The following MRPL18 variants were observed in gnomAD, a reference collection of about 807,000 sequenced individuals.
MRPL18 encodes large ribosomal subunit protein uL18m.
In MRPL18, 16 loss-of-function variants were observed where a neutral mutation model predicts 20.9. The observed-to-expected ratio is 0.76, with a 90% CI of 0.52 to 1.16. MRPL18 has a LOEUF of 1.16. Ranked by LOEUF, MRPL18 falls within the 50% of genes most tolerant of loss-of-function variation. The pLI is 0.00. For missense variants in MRPL18, 233 were observed against 230.6 expected, an observed-to-expected ratio of 1.01 and a Z score of -0.07; for synonymous variants, 91 against 87.1, an observed-to-expected ratio of 1.04 and a Z score of -0.25.
At chr6:159,790,312 G>A (rs1207260481), upstream of MRPL18, among the ~76,000 whole-genome samples, 1 of 152,164 alleles carries the variant, frequency 6.6e-6, no homozygotes, top group Non-Finnish European at 1.5e-5. Context: ...AGCAACAAGC[G>A]TGGTCTTGGG....
Position 159,790,931 on chromosome 6 carries a change from G to T in MRPL18, c.53-9G>T, listed in dbSNP as rs367629553. 2.5e-6 allele frequency: 4 copies of T among 1,613,614 alleles called. No homozygotes were observed. In the Admixed American group the frequency reaches 5.0e-5, roughly 20 times the overall value. ...TTTTAAGCCCTGTGCGGTTTTTCCCGTTGCCCAGGGTGCAGGTTCGCAGCC... is the reference window on the plus strand; with the variant it reads ...TTTTAAGCCCTGTGCGGTTTTTCCCTTTGCCCAGGGTGCAGGTTCGCAGCC... On this transcript the variant is annotated splice_polypyrimidine_tract_variant and intron_variant, in intron 1 of 3. Coordinates refer to ENST00000367034, the MANE Select transcript of MRPL18 (RefSeq NM_014161.5).
chr6:159,798,196 T>C lies in MRPL18; in HGVS notation c.*73T>C. ...ACTACAGCCATCAAAAGAGAGCATC[T>C]GGAAGAACAGCCAGCTTGGAAGTTT... On this transcript the variant is annotated 3_prime_UTR_variant, in exon 4 of 4. Coordinates refer to ENST00000367034, the MANE Select transcript of MRPL18 (RefSeq NM_014161.5). 7.9e-7 allele frequency: 1 copy of C among 1,270,910 alleles called. No individual in the cohort carries two copies. Among genetic ancestry groups the C allele is most frequent in the Non-Finnish European group, 1.1e-6 (1 of 891,270 alleles). 78.7% of individuals were successfully genotyped at this position (1,270,910 alleles called of 1,614,324 possible).
chr6:159,791,202 C>A, intron 2 of MRPL18, 76 bp downstream of exon 2: 1 of 1,535,598 alleles, frequency 6.5e-7, no homozygotes. Flanking sequence ...TCCAGGCACT[C>A]TCCCAGGTAG....
chr6:159,790,665 C>T (rs9346795), intron 1 of MRPL18, 26 bp downstream of exon 1: 362,674 of 1,607,900 alleles, frequency 0.23, 42,512 homozygotes, highest in East Asian at 0.38. Context: ...CCCCTTCTCC[C>T]AGCTCACTCG....
At position 159,797,581 on chromosome 6, in the gene MRPL18, T is replaced by C. The variant is rs146208451; in HGVS notation, c.471+63T>C. ...TGTTAATTCTTGGCATTAGATAACT[T>C]ACATAATAATAACAGTTTTTACTTA... On this transcript the variant is annotated intron_variant, in intron 3 of 3. Coordinates refer to ENST00000367034, the MANE Select transcript of MRPL18 (RefSeq NM_014161.5). 1.3e-4 allele frequency: 194 copies of C among 1,456,300 alleles called. No individual in the cohort carries two copies. The African/African-American group carries it at 2.2e-3, about 17-fold the overall frequency. 90.2% of individuals were successfully genotyped at this position (1,456,300 alleles called of 1,614,324 possible).
Position 159,797,482 on chromosome 6 carries a change from C to CT in MRPL18, c.436dup (p.Tyr146LeufsTer35). The CT allele has an allele frequency of 6.2e-7, 1 of 1,614,208 alleles. No individual in the cohort carries two copies. Among genetic ancestry groups the CT allele is most frequent in the Non-Finnish European group, 8.5e-7 (1 of 1,180,042 alleles). On this transcript the variant is annotated frameshift_variant, in exon 3 of 4. Transcript: ENST00000367034. LOFTEE classifies it high-confidence loss of function. ...TAGAGGCGGGAATCAACTTCATGGTCTACCAACCAACCCCGTGGGAGGCAG... is the reference window on the plus strand; with the variant it reads ...TAGAGGCGGGAATCAACTTCATGGTCTTACCAACCAACCCCGTGGGAGGCAG...
intron 2 of MRPL18, among the ~76,000 whole-genome samples, chr6:159,793,642 G>T (rs940923320): frequency 2.0e-5 from 3 of 152,162 alleles, no homozygotes; most frequent in African/African-American, 7.2e-5. Flanking sequence ...GGGCGCGGTG[G>T]CTCACGTTTG....
At position 159,795,170 on chromosome 6, in the gene MRPL18, C is replaced by T. The variant is rs113766227; in HGVS notation, c.240-2117C>T. Among the ~76,000 whole-genome samples, 343 of 152,302 alleles carry T rather than the reference C, an allele frequency of 2.3e-3. 2 individuals carry two copies. Among genetic ancestry groups the T allele is most frequent in the African/African-American group, 7.6e-3 (316 of 41,566 alleles). ...TGGAACGTACAATCGGGTTTTATAC[C>T]GAGACAGTGCATTGCCCAGGGACAG... is the stretch of plus-strand genomic sequence containing the variant. On this transcript the variant is annotated intron_variant, in intron 2 of 3. Transcript: ENST00000367034.
At position 159,790,603 on chromosome 6, in the gene MRPL18, C is replaced by G; in HGVS notation, c.16C>G (p.Arg6Gly). The change falls in exon 1 of 4, where the codon CGG becomes GGG. Residue 6 changes from arginine to glycine, a missense_variant. Coordinates refer to ENST00000367034, the MANE Select transcript of MRPL18 (RefSeq NM_014161.5). ...CGTCTCAGCGATGGCGCTTCGGTCG[C>G]GGTTTTGGGGGTTGTTCTCGGTTTG... MALRS[R>G]FWGLFSVCRN... The G allele has an allele frequency of 6.5e-7, 1 of 1,537,454 alleles. No individual in the cohort carries two copies. The highest frequency in any genetic ancestry group is 1.1e-5 in the South Asian group (1 of 87,918).
In MRPL18 at chr6:159,798,218, G is replaced by T. The variant is rs1781089134; in HGVS notation, c.*95G>T. On this transcript the variant is annotated 3_prime_UTR_variant, in exon 4 of 4. Coordinates refer to ENST00000367034, the MANE Select transcript of MRPL18 (RefSeq NM_014161.5). ...ATCTGGAAGAACAGCCAGCTTGGAA[G>T]TTTTACAGCAATAATGTTGCAGTGG... 8 of 973,172 alleles carry T rather than the reference G, an allele frequency of 8.2e-6. No homozygotes were observed. The highest frequency in any genetic ancestry group is 1.3e-5 in the Non-Finnish European group (8 of 639,212). 60.3% of individuals were successfully genotyped at this position (973,172 alleles called of 1,614,324 possible).
chr6:159,790,832 C>T, intron 1 of MRPL18, 108 bp from the exon 2 acceptor site: 1 of 1,453,934 alleles, frequency 6.9e-7, no homozygotes, highest in Non-Finnish European at 9.3e-7. Flanking sequence ...TTTTCGTCCC[C>T]TCGGGCCTAA....
At position 159,790,602 on chromosome 6, in the gene MRPL18, G is replaced by T; in HGVS notation, c.15G>T (p.Ser5=). 1 of 1,537,486 alleles carries T rather than the reference G, an allele frequency of 6.5e-7. No individual in the cohort carries two copies. Residue 5 remains serine, a synonymous_variant, in exon 1 of 4, where the codon TCG becomes TCT. Coordinates refer to ENST00000367034, the MANE Select transcript of MRPL18 (RefSeq NM_014161.5). Reference sequence around the variant, plus strand: ...TCGTCTCAGCGATGGCGCTTCGGTCGCGGTTTTGGGGGTTGTTCTCGGTTT... The same window carrying T: ...TCGTCTCAGCGATGGCGCTTCGGTCTCGGTTTTGGGGGTTGTTCTCGGTTT... MALR[S]RFWGLFSVCR... is the part of the protein sequence containing the mutation.
chr6:159,790,981 G>C lies in MRPL18; in HGVS notation c.94G>C (p.Ala32Pro), dbSNP rs1169219435. 1 of 1,614,208 alleles carries C rather than the reference G, an allele frequency of 6.2e-7. No individual in the cohort carries two copies. The highest frequency in any genetic ancestry group is 8.5e-7 in the Non-Finnish European group (1 of 1,180,036). ...CCTGTCAACCAGCTCCGAGCCGGCA[G>C]CGAAACCTGAAGTGGACCCTGTGGA... Reference protein sequence around the residue: ...AALSTSSEPAAKPEVDPVENE... With the variant: ...AALSTSSEPAPKPEVDPVENE... Residue 32 changes from alanine (A) to proline (P), a missense_variant, in exon 2 of 4, where the codon GCG becomes CCG. By Grantham distance (27) the Ala-to-Pro change is conservative. Coordinates refer to ENST00000367034, the MANE Select transcript of MRPL18 (RefSeq NM_014161.5).
At chr6:159,793,022 T>C (rs1780940978) in intron 2 of MRPL18, among the ~76,000 whole-genome samples, 1 of 151,744 alleles carries the variant, frequency 6.6e-6, no homozygotes. Context: ...AGAGATGGGG[T>C]TTTGCTGCTG....
intron 2 of MRPL18, among the ~76,000 whole-genome samples, chr6:159,794,489 T>TA (rs1442320217): frequency 6.6e-6 from 1 of 152,230 alleles, no homozygotes; most frequent in Non-Finnish European, 1.5e-5. Flanking sequence ...CAGTAAATGT[T>TA]AACTATTATC....
chr6:159,792,984 CTTT>C (rs55640242), intron 2 of MRPL18, among the ~76,000 whole-genome samples: 481 of 145,754 alleles, frequency 3.3e-3, no homozygotes, highest in Non-Finnish European at 4.6e-3. Flanking sequence ...TTTTCTTTTT[CTTT>C]TTTTTTTTTT....
chr6:159,790,844 G>A, intron 1 of MRPL18, 96 bp from the exon 2 acceptor site: 1 of 1,499,168 alleles, frequency 6.7e-7, no homozygotes, highest in Non-Finnish European at 9.0e-7. Context: ...CGGGCCTAAA[G>A]ATTGGGGGTG....
At chr6:159,793,685 G>A (rs1249889549) in intron 2 of MRPL18, among the ~76,000 whole-genome samples, 3 of 152,124 alleles carry the variant, frequency 2.0e-5, no homozygotes, top group African/African-American at 4.8e-5. Flanking sequence ...CGAGGCGGGC[G>A]GATCACGAGG....
rs1359512648 is a variant in MRPL18 at position 159,795,259 on chromosome 6, C to T, written c.240-2028C>T. 2.6e-5 allele frequency among the ~76,000 whole-genome samples: 4 copies of T among 152,304 alleles called. No individual in the cohort carries two copies. In the East Asian group the frequency reaches 7.7e-4, roughly 29 times the overall value. On this transcript the variant is annotated intron_variant, in intron 2 of 3. Transcript: ENST00000367034. ...AGGCATGCCTTCCTCTTATACTAAT[C>T]CTCCTCAGCACAGACCCTTTACGGG...
Sources: gnomAD v4.1 joint callset for allele counts (sites outside exome capture counted in the v4.1 genomes callset) on GRCh38, gnomAD v4.1.1 for gene constraint, MANE v1.5 for transcripts, NCBI Gene and HGNC (gene_info 2026-07-23, HGNC 2026-07-21) for gene names.